The following COL19A1 variants were observed in gnomAD, a reference collection of about 807,000 sequenced individuals.
COL19A1 encodes collagen alpha-1(XIX) chain.
A neutral mutation model predicts 190.2 loss-of-function variants in COL19A1; 159 were observed. The ratio of observed to expected loss-of-function variants is 0.84; its 90% CI spans 0.73 to 0.95. COL19A1 has a LOEUF of 0.95. COL19A1 is among the 40% of genes least tolerant of loss of function. The pLI is 0.00. For synonymous variants in COL19A1, 509 were observed against 458.9 expected, an observed-to-expected ratio of 1.11 and a Z score of -1.39; for missense variants, 1,418 against 1,431.9, an observed-to-expected ratio of 0.99 and a Z score of 0.16.
rs138969729 is a variant in COL19A1 at position 70,105,161 on chromosome 6, T to A, written c.1278+2939T>A. Among the ~76,000 whole-genome samples the A allele has an allele frequency of 2.6e-5, 4 of 152,268 alleles. No homozygotes were observed. The East Asian group carries it at 7.7e-4, about 29-fold the overall frequency. On this transcript the variant is annotated intron_variant, in intron 16 of 50. Transcript: ENST00000620364. ...TTTTTAAATATAATAAAATACCCAA[T>A]TTGTTAGAAAAATTAGGAAAAAATC...
chr6:69,948,013 T>C (rs1177901425), intron 9 of COL19A1, among the ~76,000 whole-genome samples: 1 of 151,854 alleles, frequency 6.6e-6, no homozygotes, highest in Non-Finnish European at 1.5e-5. Flanking sequence ...AAATACTTGT[T>C]CAAAGTTCTA....
intron 2 of COL19A1, among the ~76,000 whole-genome samples, chr6:69,889,044 A>G (rs1380902129): frequency 6.6e-6 from 1 of 152,170 alleles, no homozygotes; most frequent in African/African-American, 2.4e-5. Flanking sequence ...AAATGCCTAA[A>G]GGCTCTTGTT....
At chr6:70,004,563 G>C (rs976926754) in intron 11 of COL19A1, among the ~76,000 whole-genome samples, 1 of 152,114 alleles carries the variant, frequency 6.6e-6, no homozygotes, top group Non-Finnish European at 1.5e-5. Context: ...TGGAGGCTTT[G>C]TTCATTCCTT....
chr6:70,070,775 A>G (rs1781499141), intron 15 of COL19A1, among the ~76,000 whole-genome samples: 1 of 152,140 alleles, frequency 6.6e-6, no homozygotes, highest in African/African-American at 2.4e-5. Flanking sequence ...ATGCCTGTGT[A>G]TATACATATG....
chr6:69,994,536 G>A (rs1245881290), intron 11 of COL19A1, among the ~76,000 whole-genome samples: 1 of 152,130 alleles, frequency 6.6e-6, no homozygotes, highest in Non-Finnish European at 1.5e-5. Context: ...GTCTCTCTCA[G>A]ATGAGTATAA....
chr6:70,124,660 CCA>C (rs1785088179), intron 17 of COL19A1, among the ~76,000 whole-genome samples: 2 of 152,084 alleles, frequency 1.3e-5, no homozygotes, highest in African/African-American at 4.8e-5. Flanking sequence ...TAAAAGAACC[CCA>C]GTTATTCTTC....
At chr6:70,053,430 C>G (rs1437723971) in intron 14 of COL19A1, among the ~76,000 whole-genome samples, 2 of 152,070 alleles carry the variant, frequency 1.3e-5, no homozygotes, top group South Asian at 2.1e-4. Flanking sequence ...CACATACTAC[C>G]CATGTTACCA....
At chr6:69,893,079 G>A (rs1484163346) in intron 2 of COL19A1, among the ~76,000 whole-genome samples, 2 of 152,064 alleles carry the variant, frequency 1.3e-5, no homozygotes, top group Non-Finnish European at 2.9e-5. Flanking sequence ...AAATTTCTTC[G>A]ACTATGAAAA....
At chr6:69,884,145 G>A (rs1169895675) in intron 2 of COL19A1, among the ~76,000 whole-genome samples, 2 of 151,984 alleles carry the variant, frequency 1.3e-5, no homozygotes, top group African/African-American at 4.8e-5. Context: ...GACCAGCCTG[G>A]CCAGCATGGT....
intron 1 of COL19A1, among the ~76,000 whole-genome samples, chr6:69,868,556 C>A (rs1253715087): frequency 6.6e-6 from 1 of 152,034 alleles, no homozygotes; most frequent in East Asian, 1.9e-4. Context: ...GCTAAGGGAC[C>A]TAAATGGGGT....
At chr6:70,176,894 G>A (rs1358879352) in intron 42 of COL19A1, among the ~76,000 whole-genome samples, 3 of 152,168 alleles carry the variant, frequency 2.0e-5, no homozygotes, top group Non-Finnish European at 4.4e-5. Context: ...CATATTTCAA[G>A]GTTTCTCAGT....
chr6:70,111,193 A>C (rs72916722), intron 16 of COL19A1, among the ~76,000 whole-genome samples: 27,793 of 152,136 alleles, frequency 0.18, 2,724 homozygotes, highest in Non-Finnish European at 0.22. Context: ...ATTTTCATTT[A>C]ATAAGAATAT....
chr6:69,956,794 G>A (rs374497362), intron 9 of COL19A1, among the ~76,000 whole-genome samples: 9 of 151,974 alleles, frequency 5.9e-5, no homozygotes, highest in African/African-American at 2.2e-4. Context: ...CTAATGAATG[G>A]GGAAGTATGA....
chr6:70,193,537 C>A (rs3806059), intron 48 of COL19A1, among the ~76,000 whole-genome samples: 2 of 152,142 alleles, frequency 1.3e-5, no homozygotes, highest in Admixed American at 1.3e-4. Flanking sequence ...TCCAGCCTGG[C>A]CAGGTCCAGG....
chr6:70,078,677 G>A (rs28429162), intron 15 of COL19A1, among the ~76,000 whole-genome samples: 6,510 of 152,210 alleles, frequency 0.043, 454 homozygotes, highest in African/African-American at 0.15. Context: ...CTGTACAGAG[G>A]TGAAATAAAA....
chr6:69,914,498 G>A (rs186973686), intron 4 of COL19A1, among the ~76,000 whole-genome samples: 8 of 152,272 alleles, frequency 5.3e-5, no homozygotes, highest in South Asian at 2.1e-4. Context: ...TTGTAAATAC[G>A]GAAGTTCTTC....
intron 11 of COL19A1, among the ~76,000 whole-genome samples, chr6:69,988,148 TA>T (rs1776409376): frequency 6.6e-6 from 1 of 152,162 alleles, no homozygotes; most frequent in Non-Finnish European, 1.5e-5. Flanking sequence ...AGTGCAGCAT[TA>T]TTACCATTTT....
intron 49 of COL19A1, 134 bp downstream of exon 49, chr6:70,199,870 T>C: frequency 1.2e-6 from 1 of 801,602 alleles, no homozygotes; most frequent in South Asian, 2.2e-5. Context: ...ATATGCAATA[T>C]ATAAAATGGT....
intron 1 of COL19A1, among the ~76,000 whole-genome samples, chr6:69,874,535 A>T (rs1768018510): frequency 6.6e-6 from 1 of 152,160 alleles, no homozygotes. Flanking sequence ...GCGGATCACA[A>T]GGTCAGGAGA....
Sources: gnomAD v4.1 joint callset for allele counts (sites outside exome capture counted in the v4.1 genomes callset) on GRCh38, gnomAD v4.1.1 for gene constraint, MANE v1.5 for transcripts, NCBI Gene and HGNC (gene_info 2026-07-23, HGNC 2026-07-21) for gene names.